ALDH3A2: variants seen among roughly 807,000 people sequenced by gnomAD.
ALDH3A2 encodes the protein aldehyde dehydrogenase family 3 member A2.
ALDH3A2 carries 36 observed loss-of-function variants against 51.3 expected under a neutral mutation model. That is an observed-to-expected ratio of 0.70 (90% CI 0.54 to 0.93). The LOEUF is 0.93. Ranked by LOEUF, ALDH3A2 falls within the 40% of genes least tolerant of loss-of-function variation. The pLI is 0.00. For missense variants in ALDH3A2, 552 were observed against 603.1 expected (o/e 0.92, Z 0.89); for synonymous variants, 199 against 219.8 (o/e 0.91, Z 0.84).
intron 8 of ALDH3A2, among the ~76,000 whole-genome samples, chr17:19,665,860 C>T (rs2085030207): frequency 6.6e-6 from 1 of 152,206 alleles, no homozygotes; most frequent in Admixed American, 6.5e-5. Flanking sequence ...CTGTTCTATC[C>T]TCTCCCTTTG....
At chr17:19,661,452 G>A in intron 6 of ALDH3A2, 184 bp downstream of exon 6, 1 of 704,564 alleles carries the variant, frequency 1.4e-6, no homozygotes, top group Non-Finnish European at 2.3e-6. Context: ...CTGTGTTTCT[G>A]TGTATTGAAT....
At chr17:19,655,615 C>A (rs1288926093) in intron 3 of ALDH3A2, among the ~76,000 whole-genome samples, 1 of 152,232 alleles carries the variant, frequency 6.6e-6, no homozygotes. Context: ...GATCCACAAG[C>A]CAGCTTTTAC....
At chr17:19,662,392 C>T (rs960108997) in intron 6 of ALDH3A2, among the ~76,000 whole-genome samples, 4 of 152,116 alleles carry the variant, frequency 2.6e-5, no homozygotes, top group African/African-American at 9.7e-5. Context: ...GAAGCTGTCC[C>T]CAGCCACATT....
At chr17:19,656,671 C>A in intron 4 of ALDH3A2, 97 bp downstream of exon 4, 1 of 1,171,152 alleles carries the variant, frequency 8.5e-7, no homozygotes, top group Non-Finnish European at 1.2e-6. Flanking sequence ...TACCTTATGG[C>A]TCCAAGATAC....
chr17:19,671,795 A>G lies in ALDH3A2; in HGVS notation c.1282A>G (p.Lys428Glu), dbSNP rs1195357614. The G allele has an allele frequency of 6.2e-7, 1 of 1,614,210 alleles. No individual in the cohort carries two copies. The highest frequency in any genetic ancestry group is 1.3e-5 in the African/African-American group (1 of 75,052). ...TFSHQRPCLLKSLKREGANKL... is the reference protein window; with the variant it reads ...TFSHQRPCLLESLKREGANKL... ...TTCTCATCAGCGTCCCTGTTTATTAAAAAGTTTAAAGAGAGAAGGTGCTAA... is the reference window on the plus strand; with the variant it reads ...TTCTCATCAGCGTCCCTGTTTATTAGAAAGTTTAAAGAGAGAAGGTGCTAA... Residue 428 changes from lysine to glutamate, a missense_variant, in exon 9 of 10, where the codon AAA becomes GAA. By Grantham distance (56) the Lys-to-Glu change is moderately conservative. Coordinates refer to ENST00000176643, the MANE Select transcript of ALDH3A2 (RefSeq NM_000382.3).
At chr17:19,671,599 G>C in intron 8 of ALDH3A2, 122 bp from the exon 9 acceptor site, 1 of 847,858 alleles carries the variant, frequency 1.2e-6, no homozygotes, top group South Asian at 1.4e-5. Context: ...TCAGCTGGCA[G>C]AGATGTTCAG....
intron 5 of ALDH3A2, among the ~76,000 whole-genome samples, chr17:19,659,002 C>G (rs1567601244): frequency 6.6e-6 from 1 of 151,948 alleles, no homozygotes; most frequent in East Asian, 2.0e-4. Context: ...GAGGCCAAGA[C>G]AGGTTGATCA....
At chr17:19,658,079 T>C (rs1262122782) in intron 5 of ALDH3A2, among the ~76,000 whole-genome samples, 1 of 152,256 alleles carries the variant, frequency 6.6e-6, no homozygotes, top group Admixed American at 6.5e-5. Flanking sequence ...TTAAACTGTC[T>C]AGTTGATTTG....
intron 7 of ALDH3A2, 39 bp downstream of exon 7, chr17:19,663,538 T>A: frequency 6.2e-7 from 1 of 1,602,432 alleles, no homozygotes; most frequent in South Asian, 1.1e-5. Context: ...CATAAGCAAC[T>A]GTCAAGAGTC....
chr17:19,666,807 AAATAAAT>A (rs2085044107), intron 8 of ALDH3A2, among the ~76,000 whole-genome samples: 2 of 150,262 alleles, frequency 1.3e-5, no homozygotes, highest in African/African-American at 2.4e-5. Context: ...ATAAATAAAT[AAATAAAT>A]AAAAATAATA....
chr17:19,656,184 G>A, intron 3 of ALDH3A2, 182 bp from the exon 4 acceptor site: 2 of 656,970 alleles, frequency 3.0e-6, no homozygotes, highest in South Asian at 3.4e-5. Flanking sequence ...CTTCCCAGAT[G>A]CCATCGGACT....
chr17:19,659,908 C>T (rs1160057608), intron 5 of ALDH3A2, among the ~76,000 whole-genome samples: 1 of 151,284 alleles, frequency 6.6e-6, no homozygotes, highest in Non-Finnish European at 1.5e-5. Flanking sequence ...ACTATGTGTT[C>T]CAGGCAGAGT....
rs191155159 is a variant in ALDH3A2, at chr17:19,654,264, C to T, written c.471+1632C>T. On this transcript the variant is annotated intron_variant, in intron 3 of 9. Transcript: ENST00000176643. This position sits in a 1 kb window ranked among gnomAD's most constrained non-coding sequence, Gnocchi z 4.5. The stretch of plus-strand genomic sequence containing the variant: ...AGCTGGCTTTGCCTAGTGGATCCCA[C>T]GCCGGGGCTGTGGGTGGAGCTGCCC... 7.2e-5 allele frequency among the ~76,000 whole-genome samples: 11 copies of T among 152,386 alleles called. No individual in the cohort carries two copies. Among genetic ancestry groups the T allele is most frequent in the African/African-American group, 1.9e-4 (8 of 41,598 alleles).
chr17:19,653,587 C>T (rs765799313), intron 3 of ALDH3A2, among the ~76,000 whole-genome samples: 3 of 150,918 alleles, frequency 2.0e-5, no homozygotes, highest in Admixed American at 6.6e-5. Context: ...GTTAGTTCCT[C>T]CTGTCTGGAG....
At position 19,649,143 on chromosome 17, in the gene ALDH3A2, G is replaced by A; in HGVS notation, c.153+19G>A. 6.4e-7 allele frequency: 1 copy of A among 1,550,736 alleles called. No individual in the cohort carries two copies. Among genetic ancestry groups the A allele is most frequent in the Admixed American group, 1.9e-5 (1 of 51,866 alleles). On this transcript the variant is annotated intron_variant, in intron 1 of 9. Transcript: ENST00000176643. Reference sequence around the variant, plus strand: ...GTGCAAGGTACGCACGCGTGCGGCGGGGTGTGGGGAAACTGGCCCCCGCCG... The same window carrying A: ...GTGCAAGGTACGCACGCGTGCGGCGAGGTGTGGGGAAACTGGCCCCCGCCG...
intron 1 of ALDH3A2, among the ~76,000 whole-genome samples, chr17:19,650,602 C>T (rs1411193000): frequency 1.3e-5 from 2 of 151,920 alleles, no homozygotes; most frequent in Non-Finnish European, 2.9e-5. Flanking sequence ...TACAGGCGCC[C>T]GCCACCGTGC....
chr17:19,666,778 AAAATAAATAAATAAATAAAT>A lies in ALDH3A2; in HGVS notation c.1207+1751_1207+1770del, dbSNP rs150864433. On this transcript the variant is annotated intron_variant, in intron 8 of 9. Coordinates refer to ENST00000176643, the MANE Select transcript of ALDH3A2 (RefSeq NM_000382.3). The stretch of plus-strand genomic sequence containing the variant: ...GCAAACAGAGCGAGACTCCGATCTC[AAAATAAATAAATAAATAAAT>A]AAATAAATAAATAAATAAAAATAAT... 4.4e-3 allele frequency among the ~76,000 whole-genome samples: 640 copies of A among 143,902 alleles called. 3 individuals carry two copies. Among genetic ancestry groups the A allele is most frequent in the African/African-American group, 0.014 (544 of 39,216 alleles). 94.4% of individuals were successfully genotyped at this position (143,902 alleles called of 152,430 possible).
chr17:19,663,235 G>C lies in ALDH3A2; in HGVS notation c.941-98G>C. 5 of 1,402,812 alleles carry C rather than the reference G, an allele frequency of 3.6e-6. 1 individual carries two copies. Among genetic ancestry groups the C allele is most frequent in the Non-Finnish European group, 5.0e-6 (5 of 998,172 alleles). The allele number at this position is 1,402,812 out of a possible 1,614,324, so 86.9% of individuals were successfully genotyped here. A position where few individuals can be genotyped will look rare whatever the true frequency, so the allele number is the denominator to read the frequency against. ...AATAGATATGACTTGGGTGGGAGAGGGAAAGGCATGGATAAGTGACCCAAT... is the reference window on the plus strand; with the variant it reads ...AATAGATATGACTTGGGTGGGAGAGCGAAAGGCATGGATAAGTGACCCAAT... On this transcript the variant is annotated intron_variant, in intron 6 of 9. Coordinates refer to ENST00000176643, the MANE Select transcript of ALDH3A2 (RefSeq NM_000382.3).
chr17:19,664,827 C>G lies in ALDH3A2; in HGVS notation c.1108-121C>G, dbSNP rs2085013290. ...CCAAACTCGAGAATTTTCACTGACA[C>G]AAAGCCAGAATGTGCATGCTTTGAG... is the stretch of plus-strand genomic sequence containing the variant. On this transcript the variant is annotated intron_variant, in intron 7 of 9. Coordinates refer to ENST00000176643, the MANE Select transcript of ALDH3A2 (RefSeq NM_000382.3). 10 of 735,126 alleles carry G rather than the reference C, an allele frequency of 1.4e-5. No homozygotes were observed. The Admixed American group carries it at 1.8e-4, about 13-fold the overall frequency. The allele number at this position is 735,126 out of a possible 1,614,324, so 45.5% of individuals were successfully genotyped here. A position where few individuals can be genotyped will look rare whatever the true frequency, so the allele number is the denominator to read the frequency against.
Sources: gnomAD v4.1 joint callset for allele counts (sites outside exome capture counted in the v4.1 genomes callset) on GRCh38, gnomAD v4.1.1 for gene constraint, Gnocchi (gnomAD v3.1) non-coding constraint, MANE v1.5 for transcripts, NCBI Gene and HGNC (gene_info 2026-07-23, HGNC 2026-07-21) for gene names.